Variants in MAP10 observed in about 807,000 individuals in gnomAD.
The protein encoded by MAP10 is microtubule associated protein 10.
A neutral mutation model predicts 6.3 loss-of-function variants in MAP10; 10 were observed. That is an observed-to-expected ratio of 1.58 (90% CI 0.98 to 2.69). The LOEUF (loss-of-function observed/expected upper bound fraction) is 2.69, where lower values mean the gene tolerates loss of function less well. MAP10 is among the 30% of genes most tolerant of loss of function. MAP10 has a pLI of 0.00. For synonymous variants in MAP10, 459 were observed against 429.3 expected, an observed-to-expected ratio of 1.07 and a Z score of -0.86; for missense variants, 1,189 against 1,086.5, an observed-to-expected ratio of 1.09 and a Z score of -1.33.
Position 232,806,964 on chromosome 1 carries a change from A to G in MAP10, c.1515A>G (p.Leu505=), listed in dbSNP as rs780092998. 22 of 1,612,382 alleles carry G rather than the reference A, an allele frequency of 1.4e-5. No homozygotes were observed. The East Asian group carries it at 3.3e-4, about 24-fold the overall frequency. Residue 505 remains leucine, a synonymous_variant, in exon 1 of 1, where the codon CTA becomes CTG. Coordinates refer to ENST00000418460, the MANE Select transcript of MAP10 (RefSeq NM_019090.3). The stretch of plus-strand genomic sequence containing the variant: ...ATGGCTTAACAAATACACTAAGACT[A>G]CGTTTAAAGCTGACAAATCCTGATA... The part of the protein sequence containing the change: ...LLYGLTNTLR[L]RLKLTNPDML...
the MAP10 span, chr1:232,807,086 T>G: frequency 6.2e-7 from 1 of 1,612,448 alleles, no homozygotes; most frequent in Non-Finnish European, 8.5e-7. Context: ...GTTAAACTAT[T>G]AAGCTCTGCA....
At position 232,806,742 on chromosome 1, in the gene MAP10, TAAG is replaced by T. The variant is rs530581925; in HGVS notation, c.1297_1299del (p.Lys433del). On this transcript the variant is annotated inframe_deletion, in exon 1 of 1. Transcript: ENST00000418460. Reference sequence around the variant, plus strand: ...TAGCCTGGTTATATAGGACTGAGGATAAGAAGTCACCCGAATCTTCTGCCAAAT... The same window carrying T: ...TAGCCTGGTTATATAGGACTGAGGATAAGTCACCCGAATCTTCTGCCAAAT... 778 of 1,613,828 alleles carry T rather than the reference TAAG, an allele frequency of 4.8e-4. 16 individuals carry two copies. In the South Asian group the frequency reaches 8.1e-3, roughly 17 times the overall value.
At chr1:232,807,361 G>T in the MAP10 span, 1 of 1,613,852 alleles carries the variant, frequency 6.2e-7, no homozygotes, top group South Asian at 1.1e-5. Flanking sequence ...TATTCTGGGA[G>T]GAAATGTGGA....
Position 232,807,678 on chromosome 1 carries a change from G to C in MAP10, c.2229G>C (p.Lys743Asn). ...CAAAACATAGTCAATATACAAGCAA[G>C]TCTAGTGACACAGGAGTGTCCAAAA... The part of the protein sequence containing the change: ...ENPKHSQYTS[K>N]SSDTGVSKKK... Residue 743 changes from lysine to asparagine, a missense_variant, in exon 1 of 1, where the codon AAG becomes AAC. Transcript: ENST00000418460. 2.5e-6 allele frequency: 4 copies of C among 1,613,018 alleles called. No homozygotes were observed. The highest frequency in any genetic ancestry group is 2.5e-6 in the Non-Finnish European group (3 of 1,179,404).
At position 232,808,909 on chromosome 1, in the gene MAP10, G is replaced by A. The variant is rs1337898776; in HGVS notation, c.*742G>A. Among the ~76,000 whole-genome samples, 1 of 152,042 alleles carries A rather than the reference G, an allele frequency of 6.6e-6. No individual in the cohort carries two copies. Among genetic ancestry groups the A allele is most frequent in the Non-Finnish European group, 1.5e-5 (1 of 67,918 alleles). On this transcript the variant is annotated 3_prime_UTR_variant, in exon 1 of 1. Coordinates refer to ENST00000418460, the MANE Select transcript of MAP10 (RefSeq NM_019090.3). ...CCCAGGCATTTAAAATACCTAATGG[G>A]AGGGTTTAGAATTAAGCAGCAAAAA...
Position 232,805,581 on chromosome 1 carries a change from G to T in MAP10, c.132G>T (p.Gln44His). The T allele has an allele frequency of 6.4e-7, 1 of 1,556,820 alleles. No individual in the cohort carries two copies. Among genetic ancestry groups the T allele is most frequent in the Non-Finnish European group, 8.7e-7 (1 of 1,152,050 alleles). The change falls in exon 1 of 1, where the codon CAG becomes CAT. Residue 44 changes from glutamine (Q) to histidine (H), a missense_variant. Physicochemically the swap from Gln to His is conservative, Grantham distance 24. Coordinates refer to ENST00000418460, the MANE Select transcript of MAP10 (RefSeq NM_019090.3). ...AGGAGGAAGAGGAGGAAAAGGAGCAGGGGGAGGCCTCGTCGCCGCGCGGTC... is the reference window on the plus strand; with the variant it reads ...AGGAGGAAGAGGAGGAAAAGGAGCATGGGGAGGCCTCGTCGCCGCGCGGTC... ...EQEEEEEEKE[Q>H]GEASSPRGLC...
In MAP10 at chr1:232,805,678, G is replaced by T. The variant is rs201361420; in HGVS notation, c.229G>T (p.Ala77Ser). 17 of 1,601,052 alleles carry T rather than the reference G, an allele frequency of 1.1e-5. No individual in the cohort carries two copies. The highest frequency in any genetic ancestry group is 3.4e-5 in the Admixed American group (2 of 59,472). ...GGTTTACCCTCCTGACGGCCCCGGC[G>T]CTCCCGCCGCCGAACCGTGGCCCGG... ...LLVYPPDGPG[A>S]PAAEPWPGVI... Residue 77 changes from alanine (A) to serine (S), a missense_variant, in exon 1 of 1, where the codon GCT (alanine) becomes TCT (serine). Physicochemically the swap from Ala to Ser is moderately conservative, Grantham distance 99. Coordinates refer to ENST00000418460, the MANE Select transcript of MAP10 (RefSeq NM_019090.3).
In MAP10 at chr1:232,807,057, C is replaced by T. The variant is rs201585981; in HGVS notation, c.1608C>T (p.Phe536=). 1 of 1,612,598 alleles carries T rather than the reference C, an allele frequency of 6.2e-7. No homozygotes were observed. The highest frequency in any genetic ancestry group is 1.3e-5 in the African/African-American group (1 of 74,880). ...AATCACAAATGTTGGGTACAAAATT[C>T]AGAATTCCGTCATCCAAAGTTAAAC... The part of the protein sequence containing the change: ...KRQSQMLGTK[F]RIPSSKVKLL... The change falls in exon 1 of 1, where the codon TTC becomes TTT. Residue 536 remains phenylalanine (F), a synonymous_variant. Coordinates refer to ENST00000418460, the MANE Select transcript of MAP10 (RefSeq NM_019090.3).
chr1:232,808,227 T>C lies in MAP10; in HGVS notation c.*60T>C, dbSNP rs1297887868. ...TGTGTACTGTTAGTGAAAAAAATTT[T>C]AAAGCTGTTTTAGTTCATGAATTAT... On this transcript the variant is annotated 3_prime_UTR_variant, in exon 1 of 1. Transcript: ENST00000418460. 2 of 1,100,640 alleles carry C rather than the reference T, an allele frequency of 1.8e-6. No individual in the cohort carries two copies. The highest frequency in any genetic ancestry group is 2.4e-6 in the Non-Finnish European group (2 of 817,362). 68.2% of individuals were successfully genotyped at this position (1,100,640 alleles called of 1,614,324 possible).
Position 232,807,111 on chromosome 1 carries a change from G to T in MAP10, c.1662G>T (p.Lys554Asn). 2 of 1,612,020 alleles carry T rather than the reference G, an allele frequency of 1.2e-6. No individual in the cohort carries two copies. The highest frequency in any genetic ancestry group is 2.2e-5 in the South Asian group (2 of 90,442). The change falls in exon 1 of 1, where the codon AAG becomes AAT. Residue 554 changes from lysine (K) to asparagine (N), a missense_variant. Physicochemically the swap from Lys to Asn is moderately conservative, Grantham distance 94 (BLOSUM62 0). Transcript: ENST00000418460. ...KLLSSAEQSQKPQLPEDKYLD... is the reference protein window; with the variant it reads ...KLLSSAEQSQNPQLPEDKYLD... Reference sequence around the variant, plus strand: ...TAAGCTCTGCAGAACAAAGTCAGAAGCCACAACTGCCTGAAGATAAGTATT... The same window carrying T: ...TAAGCTCTGCAGAACAAAGTCAGAATCCACAACTGCCTGAAGATAAGTATT...
rs771104906 is a variant in MAP10 at position 232,805,454 on chromosome 1, C to T, written c.5C>T (p.Ala2Val). Residue 2 changes from alanine to valine, a missense_variant, in exon 1 of 1, where the codon GCG (alanine) becomes GTG (valine). By Grantham distance (64) the Ala-to-Val change is moderately conservative. Transcript: ENST00000418460. Reference sequence around the variant, plus strand: ...GCGTTTCCTGGGGCAACAGCAATGGCGGCCTCGCTGTCCGAGCGGCTCTTC... The same window carrying T: ...GCGTTTCCTGGGGCAACAGCAATGGTGGCCTCGCTGTCCGAGCGGCTCTTC... M[A>V]ASLSERLFSL... is the part of the protein sequence containing the mutation. The T allele has an allele frequency of 3.7e-6, 6 of 1,607,894 alleles. No individual in the cohort carries two copies. Among genetic ancestry groups the T allele is most frequent in the South Asian group, 1.1e-5 (1 of 90,254 alleles).
In MAP10 at chr1:232,807,522, C is replaced by T; in HGVS notation, c.2073C>T (p.Cys691=). 6.2e-7 allele frequency: 1 copy of T among 1,613,672 alleles called. No individual in the cohort carries two copies. Among genetic ancestry groups the T allele is most frequent in the South Asian group, 1.1e-5 (1 of 91,044 alleles). Residue 691 remains cysteine, a synonymous_variant, in exon 1 of 1, where the codon TGC becomes TGT. Transcript: ENST00000418460. ...ACAAGAGAACAGGTAAAAATAGTTG[C>T]TATGAAAACATCTCAGAACTGAAGT... ...ISDKRTGKNS[C]YENISELKYS...
At position 232,806,724 on chromosome 1, in the gene MAP10, G is replaced by T. The variant is rs759636237; in HGVS notation, c.1275G>T (p.Trp425Cys). Residue 425 changes from tryptophan (W) to cysteine (C), a missense_variant, in exon 1 of 1, where the codon TGG becomes TGT. Transcript: ENST00000418460. ...CTCATATACATCCTCACCTAGCCTG[G>T]TTATATAGGACTGAGGATAAGAAGT... is the stretch of plus-strand genomic sequence containing the variant. ...SPAHIHPHLA[W>C]LYRTEDKKSP... 1.2e-6 allele frequency: 2 copies of T among 1,613,818 alleles called. No homozygotes were observed. The highest frequency in any genetic ancestry group is 2.2e-5 in the South Asian group (2 of 91,074).
chr1:232,807,116 A>G lies in MAP10; in HGVS notation c.1667A>G (p.Gln556Arg). The G allele has an allele frequency of 6.2e-7, 1 of 1,612,142 alleles. No homozygotes were observed. Residue 556 changes from glutamine (Q) to arginine (R), a missense_variant, in exon 1 of 1, where the codon CAA (glutamine) becomes CGA (arginine). By Grantham distance (43) the Gln-to-Arg change is conservative (BLOSUM62 1). Coordinates refer to ENST00000418460, the MANE Select transcript of MAP10 (RefSeq NM_019090.3). ...TCTGCAGAACAAAGTCAGAAGCCAC[A>G]ACTGCCTGAAGATAAGTATTTAGAT... ...LSSAEQSQKP[Q>R]LPEDKYLDSD...
Position 232,808,343 on chromosome 1 carries a change from A to C in MAP10, c.*176A>C. 2.1e-6 allele frequency: 1 copy of C among 482,264 alleles called. No individual in the cohort carries two copies. The highest frequency in any genetic ancestry group is 3.7e-6 in the Non-Finnish European group (1 of 267,258). The allele number at this position is 482,264 out of a possible 1,614,324, so 29.9% of individuals were successfully genotyped here. A position where few individuals can be genotyped will look rare whatever the true frequency, so the allele number is the denominator to read the frequency against. ...ATTAAATCTGATAATATTGATTATT[A>C]AATCATATAAACAGATTTCTTTTTA... On this transcript the variant is annotated 3_prime_UTR_variant, in exon 1 of 1. Coordinates refer to ENST00000418460, the MANE Select transcript of MAP10 (RefSeq NM_019090.3).
rs1169920966 is a variant in MAP10 at position 232,809,080 on chromosome 1, C to T, written c.*913C>T. Among the ~76,000 whole-genome samples, 2 of 152,006 alleles carry T rather than the reference C, an allele frequency of 1.3e-5. No individual in the cohort carries two copies. The highest frequency in any genetic ancestry group is 3.9e-4 in the East Asian group (2 of 5,178). ...GAAACTTAAGAAGGTATCTTTTATA[C>T]AGTTTCTGATATAGGAGTTCAGTTT... On this transcript the variant is annotated 3_prime_UTR_variant, in exon 1 of 1. Transcript: ENST00000418460.
Position 232,806,410 on chromosome 1 carries a change from A to G in MAP10, c.961A>G (p.Ile321Val), listed in dbSNP as rs767129825. Reference sequence around the variant, plus strand: ...AAAACCGCCCCCTGCACAGGCTAAAATCACCATTGAGCCTCAAATGAATGC... The same window carrying G: ...AAAACCGCCCCCTGCACAGGCTAAAGTCACCATTGAGCCTCAAATGAATGC... Reference protein sequence around the residue: ...QEKPPPAQAKITIEPQMNAPE... With the variant: ...QEKPPPAQAKVTIEPQMNAPE... Residue 321 changes from isoleucine to valine, a missense_variant, in exon 1 of 1, where the codon ATC (isoleucine) becomes GTC (valine). Ile to Val is a conservative substitution (Grantham distance 29). Coordinates refer to ENST00000418460, the MANE Select transcript of MAP10 (RefSeq NM_019090.3). 1.1e-5 allele frequency: 17 copies of G among 1,613,880 alleles called. No individual in the cohort carries two copies. Among genetic ancestry groups the G allele is most frequent in the African/African-American group, 1.3e-5 (1 of 75,032 alleles).
rs1453296348 is a variant in MAP10, at chr1:232,805,632, G to C, written c.183G>C (p.Leu61=). The part of the protein sequence containing the change: ...RGLCPAVAFR[L]LDFPTLLVYP... ...TGTGCCCCGCCGTGGCCTTCCGCCTGCTGGACTTCCCCACGCTGTTGGTTT... is the reference window on the plus strand; with the variant it reads ...TGTGCCCCGCCGTGGCCTTCCGCCTCCTGGACTTCCCCACGCTGTTGGTTT... Residue 61 remains leucine (L), a synonymous_variant, in exon 1 of 1, where the codon CTG becomes CTC. Transcript: ENST00000418460. 2 of 1,577,210 alleles carry C rather than the reference G, an allele frequency of 1.3e-6. No individual in the cohort carries two copies. Among genetic ancestry groups the C allele is most frequent in the Admixed American group, 1.8e-5 (1 of 55,334 alleles).
Position 232,806,354 on chromosome 1 carries a change from C to T in MAP10, c.905C>T (p.Pro302Leu). The change falls in exon 1 of 1, where the codon CCT becomes CTT. Residue 302 changes from proline (P) to leucine (L), a missense_variant. Coordinates refer to ENST00000418460, the MANE Select transcript of MAP10 (RefSeq NM_019090.3). ...ATGGAGACCAATATATTTTGCCCTC[C>T]TCCTTTGTATTACACTAACTTGACC... ...LDMETNIFCP[P>L]PLYYTNLTQE... 6.2e-7 allele frequency: 1 copy of T among 1,613,896 alleles called. No individual in the cohort carries two copies. Among genetic ancestry groups the T allele is most frequent in the Non-Finnish European group, 8.5e-7 (1 of 1,179,888 alleles).
Sources: allele counts gnomAD v4.1 joint callset (sites outside exome capture counted in the v4.1 genomes callset), GRCh38; gene constraint gnomAD v4.1.1; transcripts MANE v1.5; gene names NCBI Gene and HGNC (gene_info 2026-07-23, HGNC 2026-07-21).